Variants in CLCNKA observed in about 807,000 individuals in gnomAD.
CLCNKA encodes chloride channel protein ClC-Ka.
A neutral mutation model predicts 83.3 loss-of-function variants in CLCNKA; 66 were observed. The observed-to-expected ratio is 0.79, with a 90% CI of 0.65 to 0.97. The LOEUF (loss-of-function observed/expected upper bound fraction) is 0.97, where lower values mean the gene tolerates loss of function less well. Among genes scored for constraint, CLCNKA ranks in the 50% least tolerant of loss-of-function variants. The probability of loss-of-function intolerance (pLI) is 0.00; values close to 1 mark genes in which losing one functional copy is unlikely to be tolerated. For missense variants in CLCNKA, 806 were observed against 888.7 expected (o/e 0.91, Z 1.18); for synonymous variants, 357 against 370.4 (o/e 0.96, Z 0.42).
intron 15 of CLCNKA, among the ~76,000 whole-genome samples, chr1:16,031,046 C>G (rs1260794581): frequency 6.6e-6 from 1 of 152,206 alleles, no homozygotes; most frequent in African/African-American, 2.4e-5. Flanking sequence ...CTCCTGCTGT[C>G]CTTGCTGGGA....
At position 16,027,371 on chromosome 1, in the gene CLCNKA, C is replaced by A. The variant is rs765068686; in HGVS notation, c.717C>A (p.Gly239=). 6.2e-7 allele frequency: 1 copy of A among 1,613,864 alleles called. No individual in the cohort carries two copies. Among genetic ancestry groups the A allele is most frequent in the Non-Finnish European group, 8.5e-7 (1 of 1,180,006 alleles). The change falls in exon 8 of 20, where the codon GGC becomes GGA. Residue 239 remains glycine (G), a synonymous_variant. Transcript: ENST00000331433. ...TCTCTGTCCGGGATTACTGGAGGGG[C>A]TTCTTTGCGGCCACCTGCGGGGCCT... The part of the protein sequence containing the change: ...SHFSVRDYWR[G]FFAATCGAFI...
chr1:16,032,279 TCCAGGACA>T lies in CLCNKA; in HGVS notation c.1839_1845+1del, dbSNP rs1379219464. ...TCCAGGCTGAGCCTCCTTCCAGGGC[TCCAGGACA>T]CCAGGTGGTTACTCCTGAGGGGCGT... On this transcript the variant is annotated frameshift_variant, in exon 17 of 20. Coordinates refer to ENST00000331433, the MANE Select transcript of CLCNKA (RefSeq NM_004070.4). LOFTEE classifies it high-confidence loss of function. 8.0e-7 allele frequency: 1 copy of T among 1,243,856 alleles called. No homozygotes were observed. The highest frequency in any genetic ancestry group is 4.3e-5 in the East Asian group (1 of 23,420). 77.1% of individuals were successfully genotyped at this position (1,243,856 alleles called of 1,614,324 possible).
In CLCNKA at chr1:16,028,861, CG is replaced by C. The variant is rs1557453189; in HGVS notation, c.1053+21del. 6.2e-7 allele frequency: 1 copy of C among 1,613,338 alleles called. No homozygotes were observed. The highest frequency in any genetic ancestry group is 1.1e-5 in the South Asian group (1 of 91,076). On this transcript the variant is annotated intron_variant, in intron 11 of 19. Transcript: ENST00000331433. The stretch of plus-strand genomic sequence containing the variant: ...AGCTTCTCGGGTAAGGGGTCCTGAG[CG>C]GGGGTGGCAGGAGTGGGAACCCCCA...
Position 16,027,304 on chromosome 1 carries a change from C to A in CLCNKA, c.656-6C>A, listed in dbSNP as rs778698725. On this transcript the variant is annotated splice_region_variant and splice_polypyrimidine_tract_variant and intron_variant, in intron 7 of 19. Transcript: ENST00000331433. ...GGGGCCCACCTGACATCAGTGTCGC[C>A]CCCAGGCGTCCTGTTCAGCATCGAG... 6.2e-7 allele frequency: 1 copy of A among 1,612,924 alleles called. No homozygotes were observed. Among genetic ancestry groups the A allele is most frequent in the South Asian group, 1.1e-5 (1 of 91,044 alleles).
rs779150006 is a variant in CLCNKA at position 16,026,624 on chromosome 1, C to A, written c.576+11C>A. On this transcript the variant is annotated intron_variant, in intron 6 of 19. Coordinates refer to ENST00000331433, the MANE Select transcript of CLCNKA (RefSeq NM_004070.4). ...ATCGGGGAGCCTGAGGTTAGGGACTCGGGGGCTTCCTTGGAGAAATGGGAG... is the reference window on the plus strand; with the variant it reads ...ATCGGGGAGCCTGAGGTTAGGGACTAGGGGGCTTCCTTGGAGAAATGGGAG... The A allele has an allele frequency of 1.5e-5, 24 of 1,613,772 alleles. No homozygotes were observed. The highest frequency in any genetic ancestry group is 2.0e-5 in the Non-Finnish European group (24 of 1,179,984).
intron 12 of CLCNKA, 112 bp downstream of exon 12, chr1:16,029,411 T>C (rs1483508513): frequency 6.6e-7 from 1 of 1,506,002 alleles, no homozygotes; most frequent in African/African-American, 1.4e-5. Context: ...TCACCCACAC[T>C]TCCTTCTGTG....
chr1:16,029,155 G>C lies in CLCNKA; in HGVS notation c.1083G>C (p.Leu361=). 6.2e-7 allele frequency: 1 copy of C among 1,612,200 alleles called. No individual in the cohort carries two copies. Among genetic ancestry groups the C allele is most frequent in the Non-Finnish European group, 8.5e-7 (1 of 1,179,836 alleles). The part of the protein sequence containing the change: ...RLSMKQHLDS[L]FDNHSWALMT... ...CCATGAAGCAGCATCTGGACTCGCT[G>C]TTCGACAACCACTCCTGGGCGCTGA... The change falls in exon 12 of 20, where the codon CTG becomes CTC. Residue 361 remains leucine (L), a synonymous_variant. Transcript: ENST00000331433.
intron 4 of CLCNKA, among the ~76,000 whole-genome samples, chr1:16,025,522 C>A (rs1490539514): frequency 1.3e-5 from 2 of 152,034 alleles, no homozygotes; most frequent in African/African-American, 4.8e-5. Context: ...AAAACAACCA[C>A]CACAACAAAA....
intron 7 of CLCNKA, 69 bp from the exon 8 acceptor site, chr1:16,027,240 TG>T (rs2022398413): frequency 6.4e-7 from 1 of 1,551,076 alleles, no homozygotes; most frequent in Admixed American, 1.7e-5. Flanking sequence ...GGAGGCGAGA[TG>T]GGGGAGGGGG....
In CLCNKA at chr1:16,032,307, G is replaced by A. The variant is rs2022656536; in HGVS notation, c.1845+16G>A. Reference sequence around the variant, plus strand: ...AGGACACCAGGTGGTTACTCCTGAGGGGCGTGGGGATGGGGCGGGGGTGGG... The same window carrying A: ...AGGACACCAGGTGGTTACTCCTGAGAGGCGTGGGGATGGGGCGGGGGTGGG... On this transcript the variant is annotated intron_variant, in intron 17 of 19. Coordinates refer to ENST00000331433, the MANE Select transcript of CLCNKA (RefSeq NM_004070.4). 6.3e-7 allele frequency: 1 copy of A among 1,587,620 alleles called. No homozygotes were observed. Among genetic ancestry groups the A allele is most frequent in the Non-Finnish European group, 8.6e-7 (1 of 1,157,826 alleles).
Position 16,028,861 on chromosome 1 carries a change from C to G in CLCNKA, c.1053+16C>G. Reference sequence around the variant, plus strand: ...AGCTTCTCGGGTAAGGGGTCCTGAGCGGGGGTGGCAGGAGTGGGAACCCCC... The same window carrying G: ...AGCTTCTCGGGTAAGGGGTCCTGAGGGGGGGTGGCAGGAGTGGGAACCCCC... On this transcript the variant is annotated intron_variant, in intron 11 of 19. Coordinates refer to ENST00000331433, the MANE Select transcript of CLCNKA (RefSeq NM_004070.4). The G allele has an allele frequency of 8.1e-6, 13 of 1,613,338 alleles. No homozygotes were observed. The highest frequency in any genetic ancestry group is 1.1e-5 in the Non-Finnish European group (13 of 1,179,430).
rs781124758 is a variant in CLCNKA at position 16,030,463 on chromosome 1, G to A, written c.1411G>A (p.Ala471Thr). ...IMPGGYALAG[A>T]AAFSGAVTHT... is the part of the protein sequence containing the mutation. ...CCTGTGTGGCTCTGCCCCGGCAGGG[G>A]CTGCAGCCTTCTCAGGGGCTGTGAC... The change falls in exon 15 of 20, where the codon GCT becomes ACT. Residue 471 changes from alanine to threonine, a missense_variant and splice_region_variant. Ala to Thr is a moderately conservative substitution (Grantham distance 58, BLOSUM62 0). Transcript: ENST00000331433. 1.2e-6 allele frequency: 2 copies of A among 1,612,598 alleles called. No homozygotes were observed. Among genetic ancestry groups the A allele is most frequent in the Admixed American group, 1.7e-5 (1 of 60,024 alleles).
At chr1:16,025,221 T>G (rs1347308665) in intron 4 of CLCNKA, among the ~76,000 whole-genome samples, 7 of 152,164 alleles carry the variant, frequency 4.6e-5, no homozygotes, top group African/African-American at 1.7e-4. Context: ...CCAGGCTCAC[T>G]CAGTGGTGGC....
chr1:16,026,209 ACC>A lies in CLCNKA; in HGVS notation c.462_463del (p.Leu155GlyfsTer37). The part of the protein sequence containing the change: ...FGAKVVGLSC[T>X]LATGSTLFLG... ...GGCCAAGGTGGTGGGCCTCTCCTGC[ACC>A]CTGGCCACCGGCAGCACCCTGTTCC... On this transcript the variant is annotated frameshift_variant, in exon 5 of 20. Coordinates refer to ENST00000331433, the MANE Select transcript of CLCNKA (RefSeq NM_004070.4). LOFTEE classifies it high-confidence loss of function. The A allele has an allele frequency of 6.2e-7, 1 of 1,613,810 alleles. No homozygotes were observed. Among genetic ancestry groups the A allele is most frequent in the Non-Finnish European group, 8.5e-7 (1 of 1,180,004 alleles).
In CLCNKA at chr1:16,029,794, A is replaced by G. The variant is rs781101726; in HGVS notation, c.1291A>G (p.Ile431Val). ...MPAGYFMPIF[I>V]LGAAIGRLLG... ...TGCCGGGTACTTCATGCCCATCTTTATCCTTGGTGAGTCTGGGGTCCTGAG... is the reference window on the plus strand; with the variant it reads ...TGCCGGGTACTTCATGCCCATCTTTGTCCTTGGTGAGTCTGGGGTCCTGAG... The change falls in exon 13 of 20, where the codon ATC becomes GTC. Residue 431 changes from isoleucine (I) to valine (V), a missense_variant. By Grantham distance (29) the Ile-to-Val change is conservative. Coordinates refer to ENST00000331433, the MANE Select transcript of CLCNKA (RefSeq NM_004070.4). 1.2e-5 allele frequency: 20 copies of G among 1,613,974 alleles called. No individual in the cohort carries two copies. The highest frequency in any genetic ancestry group is 1.5e-5 in the Non-Finnish European group (18 of 1,179,990).
At chr1:16,032,587 G>GA (rs2022674378) in intron 18 of CLCNKA, 61 bp downstream of exon 18, 5 of 1,297,816 alleles carry the variant, frequency 3.9e-6, no homozygotes, top group South Asian at 1.2e-5. Flanking sequence ...AGCTGATGAG[G>GA]AGCTCAGGCT....
intron 19 of CLCNKA, 129 bp from the exon 20 acceptor site, chr1:16,033,482 T>C: frequency 1.1e-6 from 1 of 946,010 alleles, no homozygotes; most frequent in Non-Finnish European, 1.7e-6. Flanking sequence ...TGATCCCATC[T>C]GTGCAATGGG....
chr1:16,031,654 G>A (rs1049359347), intron 15 of CLCNKA, 56 bp from the exon 16 acceptor site: 14 of 1,612,628 alleles, frequency 8.7e-6, no homozygotes, highest in East Asian at 4.5e-5. Flanking sequence ...TCCCCTTGCT[G>A]GCCTGGGTCT....
chr1:16,031,794 G>T lies in CLCNKA; in HGVS notation c.1707G>T (p.Lys569Asn). 1 of 1,613,408 alleles carries T rather than the reference G, an allele frequency of 6.2e-7. No homozygotes were observed. Among genetic ancestry groups the T allele is most frequent in the Non-Finnish European group, 8.5e-7 (1 of 1,180,026 alleles). Residue 569 changes from lysine (K) to asparagine (N), a missense_variant, in exon 16 of 20, where the codon AAG becomes AAT. Physicochemically the swap from Lys to Asn is moderately conservative, Grantham distance 94. Transcript: ENST00000331433. ...ACACGCCGCTGGAGGAGGTGGTCAA[G>T]GTTGTGACCTCCACAGACGTGACCG... ...AKDTPLEEVV[K>N]VVTSTDVTEY...
Sources: allele counts gnomAD v4.1 joint callset (sites outside exome capture counted in the v4.1 genomes callset), GRCh38; gene constraint gnomAD v4.1.1; transcripts MANE v1.5; gene names NCBI Gene and HGNC (gene_info 2026-07-23, HGNC 2026-07-21).